GLT1D1: variants seen among roughly 807,000 people sequenced by gnomAD.
GLT1D1 encodes the protein glycosyltransferase 1 domain containing 1, also known as glycosyltransferase 1 domain-containing protein 1.
GLT1D1 carries 21 observed loss-of-function variants against 28.7 expected under a neutral mutation model. That is an observed-to-expected ratio of 0.73 (90% CI 0.52 to 1.05). GLT1D1 has a LOEUF of 1.05. Among genes scored for constraint, GLT1D1 ranks in the 50% least tolerant of loss-of-function variants. The pLI is 0.00. For synonymous variants in GLT1D1, 147 were observed against 124.8 expected, an observed-to-expected ratio of 1.18 and a Z score of -1.19; for missense variants, 343 against 330.6, an observed-to-expected ratio of 1.04 and a Z score of -0.29.
chr12:128,912,929 A>G (rs1199719373), intron 4 of GLT1D1, among the ~76,000 whole-genome samples: 2 of 152,172 alleles, frequency 1.3e-5, no homozygotes, highest in African/African-American at 4.8e-5. Context: ...GAATGGCTAC[A>G]TTGTTAAGAT....
chr12:128,958,478 C>A (rs1432379105), intron 7 of GLT1D1, among the ~76,000 whole-genome samples: 1 of 151,332 alleles, frequency 6.6e-6, no homozygotes, highest in East Asian at 1.9e-4. Flanking sequence ...CAGTGGCTCA[C>A]GCCTGTAATC....
intron 1 of GLT1D1, among the ~76,000 whole-genome samples, chr12:128,856,746 G>C (rs1188901068): frequency 6.6e-6 from 1 of 151,986 alleles, no homozygotes; most frequent in Non-Finnish European, 1.5e-5. Flanking sequence ...TGCTTAAGAA[G>C]TAATTACCAC....
chr12:128,930,949 A>G (rs1376253591), intron 4 of GLT1D1, among the ~76,000 whole-genome samples: 2 of 151,256 alleles, frequency 1.3e-5, no homozygotes, highest in African/African-American at 4.9e-5. Context: ...ATATGAAGCA[A>G]TCAGAAATGT....
intron 1 of GLT1D1, among the ~76,000 whole-genome samples, chr12:128,871,045 T>C (rs548704756): frequency 4.6e-5 from 7 of 152,256 alleles, no homozygotes; most frequent in African/African-American, 1.7e-4. Flanking sequence ...ATTGTCTCTA[T>C]GTAACCACCT....
At position 128,858,702 on chromosome 12, in the gene GLT1D1, C is replaced by T. The variant is rs186278817; in HGVS notation, c.68+5053C>T. ...AAAAAAAAAATCTCCATTAACATAG[C>T]TAGATCTTTTTCTTCCATGCCCTCC... On this transcript the variant is annotated intron_variant, in intron 1 of 7. Coordinates refer to ENST00000281703, the MANE Select transcript of GLT1D1 (RefSeq NM_144669.3). Among the ~76,000 whole-genome samples the T allele has an allele frequency of 1.6e-4, 25 of 151,964 alleles. 1 individual carries two copies. The highest frequency in any genetic ancestry group is 5.5e-4 in the African/African-American group (23 of 41,456).
intron 4 of GLT1D1, among the ~76,000 whole-genome samples, chr12:128,908,996 C>T (rs1460464167): frequency 1.3e-5 from 2 of 152,010 alleles, no homozygotes; most frequent in Non-Finnish European, 2.9e-5. Flanking sequence ...ACGATAGGTC[C>T]AAGCGTCATT....
At chr12:128,855,994 CT>C (rs748371658) in intron 1 of GLT1D1, among the ~76,000 whole-genome samples, 54 of 152,202 alleles carry the variant, frequency 3.5e-4, no homozygotes, top group Admixed American at 1.2e-3. Context: ...TCACGTGATC[CT>C]TTGGTCTTGG....
intron 7 of GLT1D1, among the ~76,000 whole-genome samples, chr12:128,960,171 C>A (rs890186367): frequency 6.6e-6 from 1 of 152,088 alleles, no homozygotes; most frequent in African/African-American, 2.4e-5. Context: ...CTTTCGTGTT[C>A]ATTTCACAAA....
intron 4 of GLT1D1, among the ~76,000 whole-genome samples, chr12:128,906,139 A>G (rs939694268): frequency 1.3e-5 from 2 of 152,066 alleles, no homozygotes; most frequent in Admixed American, 1.3e-4. Flanking sequence ...TGTGCTGGCC[A>G]GTTTCTGATA....
chr12:128,870,435 A>G (rs995069630), intron 1 of GLT1D1, among the ~76,000 whole-genome samples: 1 of 152,186 alleles, frequency 6.6e-6, no homozygotes, highest in African/African-American at 2.4e-5. Flanking sequence ...CAAGTGCCCA[A>G]AATCTCTATG....
chr12:128,946,676 T>C (rs1876142010), intron 5 of GLT1D1, among the ~76,000 whole-genome samples: 2 of 119,604 alleles, frequency 1.7e-5, no homozygotes, highest in Admixed American at 9.4e-5. Flanking sequence ...TGAGACCTAG[T>C]CTTGCTCTGT....
At chr12:128,976,213 A>G (rs1392197830) in intron 7 of GLT1D1, among the ~76,000 whole-genome samples, 2 of 152,242 alleles carry the variant, frequency 1.3e-5, no homozygotes. Flanking sequence ...AAAATGAGGC[A>G]GGCACGGCAG....
intron 1 of GLT1D1, among the ~76,000 whole-genome samples, chr12:128,857,678 A>G (rs1272766191): frequency 2.0e-5 from 3 of 152,302 alleles, no homozygotes; most frequent in Admixed American, 2.0e-4. Flanking sequence ...ACCACCTTCA[A>G]CTGACCCTGG....
chr12:128,891,988 G>A (rs1297830772), intron 3 of GLT1D1, among the ~76,000 whole-genome samples: 6 of 152,286 alleles, frequency 3.9e-5, no homozygotes, highest in South Asian at 2.1e-4. Context: ...AGGTACACTG[G>A]TTCGGTCTGG....
chr12:128,956,181 G>GAAAA (rs140786201), intron 6 of GLT1D1, among the ~76,000 whole-genome samples: 1 of 83,430 alleles, frequency 1.2e-5, no homozygotes, highest in Admixed American at 1.3e-4. Flanking sequence ...AAGAGAAAGA[G>GAAAA]AGAAAGAAAG....
chr12:128,943,441 A>G (rs1030002055), intron 4 of GLT1D1, among the ~76,000 whole-genome samples: 1 of 152,166 alleles, frequency 6.6e-6, no homozygotes, highest in Non-Finnish European at 1.5e-5. Context: ...GGAACCGGCA[A>G]GTAGATCCTA....
chr12:128,905,344 C>A (rs1266784011), intron 4 of GLT1D1, among the ~76,000 whole-genome samples: 1 of 152,192 alleles, frequency 6.6e-6, no homozygotes, highest in African/African-American at 2.4e-5. Context: ...CCACGTGTGG[C>A]GAGGGCTGTT....
chr12:128,982,055 G>A (rs1880365443), intron 7 of GLT1D1, among the ~76,000 whole-genome samples: 1 of 152,124 alleles, frequency 6.6e-6, no homozygotes, highest in African/African-American at 2.4e-5. Flanking sequence ...GAAGGGCTTT[G>A]ATATTAAAAC....
Position 128,943,269 on chromosome 12 carries a change from C to T in GLT1D1, c.376-2057C>T, listed in dbSNP as rs555393462. Among the ~76,000 whole-genome samples, 5 of 152,134 alleles carry T rather than the reference C, an allele frequency of 3.3e-5. No homozygotes were observed. The South Asian group carries it at 1.0e-3, about 32-fold the overall frequency. Reference sequence around the variant, plus strand: ...TTGATTGCTATTTATGCCAAGGGAGCGTTTCCCAGGCATATCTCATCTATT... The same window carrying T: ...TTGATTGCTATTTATGCCAAGGGAGTGTTTCCCAGGCATATCTCATCTATT... On this transcript the variant is annotated intron_variant, in intron 4 of 7. Transcript: ENST00000281703.
Sources: allele counts gnomAD v4.1 joint callset (sites outside exome capture counted in the v4.1 genomes callset), GRCh38; gene constraint gnomAD v4.1.1; transcripts MANE v1.5; gene names NCBI Gene and HGNC (gene_info 2026-07-23, HGNC 2026-07-21).